RALGAPA2: variants seen among roughly 807,000 people sequenced by gnomAD.
RALGAPA2 encodes Ral GTPase activating protein catalytic subunit alpha 2.
In RALGAPA2, 139 loss-of-function variants were observed where a neutral mutation model predicts 230.4. The ratio of observed to expected loss-of-function variants is 0.60; its 90% CI spans 0.53 to 0.69. The LOEUF (loss-of-function observed/expected upper bound fraction) is 0.69. RALGAPA2 is among the 30% of genes least tolerant of loss of function. The pLI is 0.00. For missense variants in RALGAPA2, 2,163 were observed against 2,276.0 expected, an observed-to-expected ratio of 0.95 and a Z score of 1.01; for synonymous variants, 847 against 837.8, an observed-to-expected ratio of 1.01 and a Z score of -0.19.
intron 15 of RALGAPA2, 62 bp downstream of exon 15, chr20:20,605,113 T>C (rs2065779084): frequency 2.1e-6 from 3 of 1,418,936 alleles, no homozygotes; most frequent in African/African-American, 1.4e-5. Flanking sequence ...TGCTTAGTCA[T>C]ACAAATACAC....
chr20:20,642,772 A>G (rs1304954073), intron 5 of RALGAPA2, among the ~76,000 whole-genome samples: 1 of 152,224 alleles, frequency 6.6e-6, no homozygotes, highest in Non-Finnish European at 1.5e-5. Flanking sequence ...TGTAAGAAAT[A>G]GTTAACATAT....
intron 3 of RALGAPA2, among the ~76,000 whole-genome samples, chr20:20,668,851 C>T (rs952057036): frequency 6.6e-6 from 1 of 151,966 alleles, no homozygotes; most frequent in Non-Finnish European, 1.5e-5. Context: ...AGTGTTAGCC[C>T]GACAGAGCAC....
chr20:20,393,533 TGAAGA>T (rs1451482689), intron 39 of RALGAPA2, among the ~76,000 whole-genome samples: 2 of 152,112 alleles, frequency 1.3e-5, no homozygotes, highest in East Asian at 3.9e-4. Context: ...AAGTAAAGAA[TGAAGA>T]GAAAAGGCAT....
chr20:20,544,660 CAT>C (rs1164700146), intron 24 of RALGAPA2, among the ~76,000 whole-genome samples: 3 of 152,088 alleles, frequency 2.0e-5, no homozygotes, highest in African/African-American at 7.2e-5. Flanking sequence ...GAAAATGTGG[CAT>C]ATATATACCA....
chr20:20,706,576 C>T (rs1568781491), intron 1 of RALGAPA2, among the ~76,000 whole-genome samples: 2 of 152,160 alleles, frequency 1.3e-5, no homozygotes, highest in South Asian at 2.1e-4. Flanking sequence ...GATTGTTTAT[C>T]GTCTGCCCAT....
chr20:20,553,406 G>T (rs920463371), intron 23 of RALGAPA2, among the ~76,000 whole-genome samples: 9 of 152,070 alleles, frequency 5.9e-5, no homozygotes, highest in African/African-American at 1.7e-4. Context: ...AAAAAAATTA[G>T]CCAGGTGTGG....
intron 1 of RALGAPA2, among the ~76,000 whole-genome samples, chr20:20,689,038 C>G (rs1326096956): frequency 6.6e-6 from 1 of 152,088 alleles, no homozygotes; most frequent in East Asian, 1.9e-4. Flanking sequence ...CTTAAGTTAC[C>G]AATAGCATTC....
chr20:20,588,860 ATGTTTTT>A (rs200453064), intron 18 of RALGAPA2, among the ~76,000 whole-genome samples: 2,942 of 151,930 alleles, frequency 0.019, 86 homozygotes, highest in African/African-American at 0.068. Context: ...ATGCCATTTT[ATGTTTTT>A]TGTTTTTTGT....
intron 37 of RALGAPA2, among the ~76,000 whole-genome samples, chr20:20,447,717 C>T (rs2060895837): frequency 6.6e-6 from 1 of 151,682 alleles, no homozygotes; most frequent in Non-Finnish European, 1.5e-5. Flanking sequence ...GAGTGGAACT[C>T]ATCTCACAAT....
At position 20,521,047 on chromosome 20, in the gene RALGAPA2, G is replaced by C; in HGVS notation, c.3954C>G (p.Tyr1318Ter). The change falls in exon 31 of 40, where the codon TAC becomes TAG. Residue 1318 changes from tyrosine (Y) to a stop codon, truncating the protein, a stop_gained. Transcript: ENST00000202677. LOFTEE classifies it high-confidence loss of function. ...GSSTYTQQSH[Y>*]ILTLADLSST... ...ATGACAAGTCAGCCAGGGTCAGTATGTAGTGACTCTGTTGGGTGTACGTGC... is the reference window on the plus strand; with the variant it reads ...ATGACAAGTCAGCCAGGGTCAGTATCTAGTGACTCTGTTGGGTGTACGTGC... 2 of 1,613,918 alleles carry C rather than the reference G, an allele frequency of 1.2e-6. No homozygotes were observed. Among genetic ancestry groups the C allele is most frequent in the Non-Finnish European group, 1.7e-6 (2 of 1,179,814 alleles).
chr20:20,600,747 A>G (rs2146199720), intron 16 of RALGAPA2, among the ~76,000 whole-genome samples: 1 of 152,300 alleles, frequency 6.6e-6, no homozygotes, highest in Non-Finnish European at 1.5e-5. Flanking sequence ...AGGTGGCTTT[A>G]TTTATTCTTA....
chr20:20,450,524 T>G (rs1366892495), intron 37 of RALGAPA2, among the ~76,000 whole-genome samples: 1 of 152,236 alleles, frequency 6.6e-6, no homozygotes, highest in African/African-American at 2.4e-5. Flanking sequence ...GGTCTCCTAT[T>G]CTTAGGTCAA....
chr20:20,688,756 G>C (rs1603246185), intron 1 of RALGAPA2, among the ~76,000 whole-genome samples: 1 of 152,224 alleles, frequency 6.6e-6, no homozygotes, highest in Non-Finnish European at 1.5e-5. Context: ...GCAGAATTTA[G>C]ATATACAGAG....
rs762993247 is a variant in RALGAPA2 at position 20,472,936 on chromosome 20, C to T, written c.5388G>A (p.Leu1796=). The T allele has an allele frequency of 4.4e-6, 7 of 1,597,302 alleles. No homozygotes were observed. The highest frequency in any genetic ancestry group is 5.1e-6 in the Non-Finnish European group (6 of 1,175,658). ...TCCCACTCACTATGGCTCCATCAAA[C>T]AGAGGCCCAAAAAATGGAACCTGTT... ...KKPEVPFFGP[L]FDGAIVSGKL... Residue 1796 remains leucine, a synonymous_variant, in exon 37 of 40, where the codon CTG becomes CTA. Transcript: ENST00000202677.
intron 36 of RALGAPA2, among the ~76,000 whole-genome samples, chr20:20,485,802 G>C (rs2061895575): frequency 6.6e-6 from 1 of 152,104 alleles, no homozygotes; most frequent in South Asian, 2.1e-4. Context: ...AATACTTGTT[G>C]CTATTACTAT....
intron 16 of RALGAPA2, among the ~76,000 whole-genome samples, chr20:20,598,062 A>T (rs542758422): frequency 7.9e-5 from 12 of 152,312 alleles, no homozygotes; most frequent in Admixed American, 6.5e-4. Flanking sequence ...GTGCTATGAT[A>T]TCTTAATAAA....
At chr20:20,628,474 G>C (rs1315161644) in intron 10 of RALGAPA2, among the ~76,000 whole-genome samples, 1 of 152,112 alleles carries the variant, frequency 6.6e-6, no homozygotes. Context: ...AGTGGCACTG[G>C]CCACACGCCA....
intron 37 of RALGAPA2, chr20:20,472,575 T>TCA (rs2061563373): frequency 3.7e-6 from 1 of 273,828 alleles, no homozygotes; most frequent in Non-Finnish European, 6.7e-6. Context: ...CTCATAATGG[T>TCA]CACAGCTTCT....
At chr20:20,481,317 CA>C (rs2061769148) in intron 36 of RALGAPA2, among the ~76,000 whole-genome samples, 1 of 152,198 alleles carries the variant, frequency 6.6e-6, no homozygotes, top group Non-Finnish European at 1.5e-5. Flanking sequence ...GCAATGCAGA[CA>C]TCTTGATGGT....
Sources: allele counts gnomAD v4.1 joint callset (sites outside exome capture counted in the v4.1 genomes callset), GRCh38; gene constraint gnomAD v4.1.1; transcripts MANE v1.5; gene names NCBI Gene and HGNC (gene_info 2026-07-23, HGNC 2026-07-21).